FAM153A: variants seen among roughly 807,000 people sequenced by gnomAD.
FAM153A encodes protein FAM153A.
Under a neutral mutation model 48.1 loss-of-function variants are expected in FAM153A, and 12 were observed. The ratio of observed to expected loss-of-function variants is 0.25; its 90% CI spans 0.16 to 0.40. FAM153A has a LOEUF of 0.40. FAM153A is among the 10% of genes least tolerant of loss of function. FAM153A has a pLI of 1.00. For missense variants in FAM153A, 111 were observed against 345.8 expected (o/e 0.32, Z 5.38); for synonymous variants, 36 against 118.2 (o/e 0.30, Z 4.51).
upstream of FAM153A, chr5:177,783,042 C>A (rs1418759275): frequency 3.2e-5 from 3 of 93,730 alleles, no homozygotes; most frequent in Non-Finnish European, 6.6e-5. Flanking sequence ...GCATGGGCAC[C>A]CCGCGGCCAC....
chr5:177,705,077 G>T (rs1214558205), downstream of FAM153A, among the ~76,000 whole-genome samples: 2 of 150,622 alleles, frequency 1.3e-5, no homozygotes, highest in Non-Finnish European at 2.9e-5. Context: ...GCCGAGGTGG[G>T]TGGATCACTT....
At chr5:177,705,728 C>T (rs1462676856), downstream of FAM153A, among the ~76,000 whole-genome samples, 5 of 137,220 alleles carry the variant, frequency 3.6e-5, no homozygotes, top group East Asian at 2.2e-4. Context: ...GACATGATCT[C>T]GGCTCACTGC....
chr5:177,697,227 T>C, the FAM153A span, among the ~76,000 whole-genome samples: 1 of 151,434 alleles, frequency 6.6e-6, no homozygotes, highest in African/African-American at 2.4e-5. Context: ...ATGGAATTAT[T>C]TTTTAAATTT....
chr5:177,743,196 TTTTTG>T (rs1438290227), intron 6 of FAM153A, among the ~76,000 whole-genome samples: 4 of 48,156 alleles, frequency 8.3e-5, no homozygotes, highest in Non-Finnish European at 1.3e-4. Flanking sequence ...ACTTGTTTTT[TTTTTG>T]TTTTGTTTTT....
upstream of FAM153A, among the ~76,000 whole-genome samples, chr5:177,755,569 T>G (rs1444243874): frequency 6.6e-6 from 1 of 151,688 alleles, no homozygotes; most frequent in Non-Finnish European, 1.5e-5. Context: ...GAAAAAATGT[T>G]AAGGGCAGCC....
At chr5:177,704,790 C>T (rs927639820), downstream of FAM153A, among the ~76,000 whole-genome samples, 15 of 151,580 alleles carry the variant, frequency 9.9e-5, no homozygotes, top group South Asian at 6.3e-4. Flanking sequence ...TTCTGAGCTC[C>T]GGAGTTCGAG....
At chr5:177,722,616 T>C (rs950440266), downstream of FAM153A, 1 of 150,242 alleles carries the variant, frequency 6.7e-6, no homozygotes, top group African/African-American at 2.5e-5. Flanking sequence ...GGCACAGAGG[T>C]AGAGGGAGGA....
At chr5:177,743,428 C>T (rs368461159) in intron 6 of FAM153A, among the ~76,000 whole-genome samples, 2,678 of 64,438 alleles carry the variant, frequency 0.042, 35 homozygotes, top group East Asian at 0.14. Context: ...GTTTCTGAGC[C>T]GAGCACACAG....
chr5:177,778,689 T>C (rs1235555140), intron 1 of FAM153A, among the ~76,000 whole-genome samples: 1 of 95,786 alleles, frequency 1.0e-5, no homozygotes, highest in African/African-American at 4.2e-5. Flanking sequence ...GAAAGAATCA[T>C]TTAAGGCCAG....
In FAM153A at chr5:177,741,636, T is replaced by C. The variant is rs1361932894; in HGVS notation, c.365-304A>G. 3.7e-4 allele frequency among the ~76,000 whole-genome samples: 20 copies of C among 54,722 alleles called. 3 individuals carry two copies. The highest frequency in any genetic ancestry group is 1.3e-3 in the African/African-American group (20 of 15,792). The allele number at this position is 54,722 out of a possible 152,430, so 35.9% of individuals were successfully genotyped here. On this transcript the variant is annotated intron_variant, in intron 6 of 20. Coordinates refer to ENST00000614127, the Ensembl canonical transcript of FAM153A. ...ACTTTCCTGTTGAAATGTGACAATGTCATTTATCTTTCCTGGGTCTACATA... is the reference window on the plus strand; with the variant it reads ...ACTTTCCTGTTGAAATGTGACAATGCCATTTATCTTTCCTGGGTCTACATA...
In FAM153A at chr5:177,753,180, A is replaced by G. The variant is rs200999109; in HGVS notation, c.27T>C (p.Leu9=). ...GATGGAAATGAACATACATACCTTC[A>G]AGGCAACAACTATAAACACATCCCA... Residue 9 remains leucine (L), a synonymous_variant, in exon 1 of 21, where the codon CTT becomes CTC. Transcript: ENST00000614127. 8.4e-5 allele frequency: 136 copies of G among 1,611,070 alleles called. 2 individuals carry two copies. The highest frequency in any genetic ancestry group is 8.0e-4 in the South Asian group (72 of 90,554).
chr5:177,698,321 T>C, the FAM153A span, among the ~76,000 whole-genome samples: 6 of 151,952 alleles, frequency 3.9e-5, 1 homozygote, highest in Admixed American at 3.9e-4. Context: ...GTGCAAACAG[T>C]ATAGTTTTCT....
At chr5:177,757,712 A>G (rs1185899855), upstream of FAM153A, among the ~76,000 whole-genome samples, 1 of 151,248 alleles carries the variant, frequency 6.6e-6, no homozygotes, top group Admixed American at 6.6e-5. Context: ...TATAAACAGA[A>G]CCAAAGACAA....
chr5:177,701,515 A>G, the FAM153A span, among the ~76,000 whole-genome samples: 10 of 151,872 alleles, frequency 6.6e-5, no homozygotes, highest in African/African-American at 2.4e-4. Context: ...CAGTGAGCCA[A>G]GATCATGCCA....
intron 6 of FAM153A, among the ~76,000 whole-genome samples, chr5:177,743,478 A>C (rs1308615827): frequency 8.8e-6 from 1 of 113,420 alleles, no homozygotes; most frequent in Non-Finnish European, 1.8e-5. Context: ...CTGAAACTCT[A>C]TATGACCCTG....
rs181943664 is a variant in FAM153A, at chr5:177,711,250, T to C, written c.*3312A>G. 314 of 151,994 alleles carry C rather than the reference T, an allele frequency of 2.1e-3. 10 individuals are homozygous for C. The highest frequency in any genetic ancestry group is 7.5e-3 in the African/African-American group (308 of 41,316). The allele number at this position is 151,994 out of a possible 1,614,324, so 9.4% of individuals were successfully genotyped here. A position where few individuals can be genotyped will look rare whatever the true frequency, so the allele number is the denominator to read the frequency against. On this transcript the variant is annotated 3_prime_UTR_variant and NMD_transcript_variant, in exon 27 of 27. Transcript: ENST00000360669. ...ACATTGGTCTTGTGTAAAATTTTAA[T>C]TTTTTAAACGGAATATGAAACAATG...
At chr5:177,713,959 G>A (rs1759049864) in intron 25 of FAM153A, 1 of 151,912 alleles carries the variant, frequency 6.6e-6, no homozygotes. Flanking sequence ...AGCCAGTTGT[G>A]TAATGTGAAA....
At chr5:177,711,334 AG>A (rs1469458883) in exon 27 of FAM153A, 2 of 151,972 alleles carry the variant, frequency 1.3e-5, no homozygotes, top group African/African-American at 2.4e-5. Context: ...CCAAGTTATC[AG>A]GACAAGACCA....
chr5:177,710,456 C>T (rs1359020658), downstream of FAM153A, among the ~76,000 whole-genome samples: 2 of 151,692 alleles, frequency 1.3e-5, no homozygotes, highest in Non-Finnish European at 2.9e-5. Flanking sequence ...GGCCTGTTTT[C>T]TTAACAGTAG....
Sources: allele counts gnomAD v4.1 joint callset (sites outside exome capture counted in the v4.1 genomes callset), GRCh38; gene constraint gnomAD v4.1.1; transcripts MANE v1.5; gene names NCBI Gene and HGNC (gene_info 2026-07-23, HGNC 2026-07-21).